Variants in S100PBP observed in about 807,000 individuals in gnomAD.
S100PBP encodes the protein S100P binding protein.
In S100PBP, 15 loss-of-function variants were observed where a neutral mutation model predicts 39.9. The ratio of observed to expected loss-of-function variants is 0.38; its 90% CI spans 0.25 to 0.58. The LOEUF (loss-of-function observed/expected upper bound fraction) is 0.58. S100PBP is among the 20% of genes least tolerant of loss of function. S100PBP has a pLI of 0.70. For missense variants in S100PBP, 504 were observed against 487.3 expected (o/e 1.03, Z -0.32); for synonymous variants, 178 against 180.3 (o/e 0.99, Z 0.10).
rs766765920 is a variant in S100PBP at position 32,826,324 on chromosome 1, A to AGATGATGGT, written c.227_235dup (p.Asp76_Gly78dup). The AGATGATGGT allele has an allele frequency of 2.5e-6, 4 of 1,614,144 alleles. No homozygotes were observed. In the Admixed American group the frequency reaches 6.7e-5, roughly 27 times the overall value. On this transcript the variant is annotated inframe_insertion, in exon 3 of 7. Coordinates refer to ENST00000373475, the MANE Select transcript of S100PBP (RefSeq NM_022753.4). Reference sequence around the variant, plus strand: ...CATCATATGAGCAGTCTTCTGGGGAAGATGATGGTGGGCATGTTGAGAAGG... The same window carrying AGATGATGGT: ...CATCATATGAGCAGTCTTCTGGGGAAGATGATGGTGATGATGGTGGGCATGTTGAGAAGG...
intron 5 of S100PBP, among the ~76,000 whole-genome samples, chr1:32,838,347 AAAAAAAGAAAAGAAAAG>A (rs1639934998): frequency 6.6e-6 from 1 of 151,330 alleles, no homozygotes; most frequent in Admixed American, 6.6e-5. Flanking sequence ...AAAAAAAAAA[AAAAAAAGAAAAGAAAAG>A]AAACTGCCAA....
chr1:32,837,549 A>T (rs549050705), intron 5 of S100PBP, among the ~76,000 whole-genome samples: 2 of 146,940 alleles, frequency 1.4e-5, no homozygotes, highest in South Asian at 4.4e-4. Context: ...TGGGCAACAA[A>T]AGCAAAACTC....
intron 5 of S100PBP, among the ~76,000 whole-genome samples, chr1:32,837,647 A>G (rs1027207776): frequency 1.3e-5 from 2 of 150,668 alleles, no homozygotes; most frequent in African/African-American, 4.9e-5. Context: ...CCTTCTGCCT[A>G]TCTCTGCCCC....
At chr1:32,834,282 G>C (rs1639725561) in intron 5 of S100PBP, among the ~76,000 whole-genome samples, 1 of 151,686 alleles carries the variant, frequency 6.6e-6, no homozygotes, top group Non-Finnish European at 1.5e-5. Context: ...AATTTCCTTA[G>C]TTGTCCCAAA....
At position 32,826,204 on chromosome 1, in the gene S100PBP, T is replaced by C. The variant is rs372527947; in HGVS notation, c.105T>C (p.Asp35=). 394 of 1,614,056 alleles carry C rather than the reference T, an allele frequency of 2.4e-4. No homozygotes were observed. The highest frequency in any genetic ancestry group is 3.2e-4 in the Non-Finnish European group (377 of 1,180,018). ...SWDSLDEDGL[D]DSLLELSEGE... ...ATTCCTTGGATGAGGATGGATTGGA[T>C]GACTCCTTGCTGGAGCTGTCAGAGG... The change falls in exon 3 of 7, where the codon GAT becomes GAC. Residue 35 remains aspartate, a synonymous_variant. Coordinates refer to ENST00000373475, the MANE Select transcript of S100PBP (RefSeq NM_022753.4).
intron 5 of S100PBP, among the ~76,000 whole-genome samples, chr1:32,840,318 T>C (rs1640026972): frequency 6.6e-6 from 1 of 151,648 alleles, no homozygotes; most frequent in South Asian, 2.1e-4. Context: ...AGACCGTGTT[T>C]TACCATGCCA....
chr1:32,842,885 C>G (rs955747027), intron 5 of S100PBP: 3 of 152,100 alleles, frequency 2.0e-5, no homozygotes, highest in African/African-American at 7.2e-5. Flanking sequence ...TGTGAGCCCC[C>G]GCGCCTGACT....
chr1:32,821,142 T>TA (rs753275237), intron 1 of S100PBP, among the ~76,000 whole-genome samples: 1 of 151,930 alleles, frequency 6.6e-6, no homozygotes, highest in Non-Finnish European at 1.5e-5. Flanking sequence ...ATTGTTTTCT[T>TA]AAGAAATAAA....
At chr1:32,820,306 C>T (rs935237408) in intron 1 of S100PBP, among the ~76,000 whole-genome samples, 3 of 152,006 alleles carry the variant, frequency 2.0e-5, no homozygotes, top group South Asian at 2.1e-4. Context: ...ACCACACACC[C>T]GGCTAATCTT....
intron 5 of S100PBP, among the ~76,000 whole-genome samples, chr1:32,837,952 ATGCACAAATCTT>A (rs1639906811): frequency 1.3e-5 from 2 of 152,196 alleles, no homozygotes; most frequent in Non-Finnish European, 2.9e-5. Context: ...AGGAACATTC[ATGCACAAATCTT>A]TGTATATATA....
At chr1:32,830,744 TTA>T (rs1307669041) in intron 5 of S100PBP, among the ~76,000 whole-genome samples, 1 of 152,146 alleles carries the variant, frequency 6.6e-6, no homozygotes, top group Non-Finnish European at 1.5e-5. Context: ...AAAGAATCAC[TTA>T]TTAAAAAGAT....
chr1:32,826,025 C>A, intron 2 of S100PBP, 73 bp from the exon 3 acceptor site: 2 of 1,008,392 alleles, frequency 2.0e-6, no homozygotes, highest in Non-Finnish European at 1.5e-6. Flanking sequence ...AGAACATTAC[C>A]CACATATAGT....
intron 3 of S100PBP, among the ~76,000 whole-genome samples, chr1:32,827,506 T>TA (rs969125635): frequency 1.3e-5 from 2 of 152,238 alleles, no homozygotes; most frequent in Non-Finnish European, 2.9e-5. Context: ...TTTCTTGAGA[T>TA]AGAGTCTTAC....
At chr1:32,845,772 C>T (rs994284078) in intron 5 of S100PBP, among the ~76,000 whole-genome samples, 1 of 151,636 alleles carries the variant, frequency 6.6e-6, no homozygotes, top group Non-Finnish European at 1.5e-5. Context: ...ATCAACCTCC[C>T]GGGCTCGTGA....
chr1:32,828,514 G>A (rs1639441133), intron 4 of S100PBP, among the ~76,000 whole-genome samples: 1 of 152,030 alleles, frequency 6.6e-6, no homozygotes, highest in African/African-American at 2.4e-5. Context: ...AATTCCAGTA[G>A]GGGTTGCAAA....
intron 5 of S100PBP, among the ~76,000 whole-genome samples, chr1:32,849,497 G>A (rs892645456): frequency 6.6e-6 from 1 of 152,156 alleles, no homozygotes; most frequent in Non-Finnish European, 1.5e-5. Flanking sequence ...TAAATTGTAG[G>A]ATACATGCAA....
intron 5 of S100PBP, among the ~76,000 whole-genome samples, chr1:32,842,198 AAAAAAC>A (rs1640130945): frequency 2.6e-5 from 3 of 116,622 alleles, no homozygotes; most frequent in African/African-American, 1.0e-4. Flanking sequence ...AAAAAAAAAA[AAAAAAC>A]ATATATATAT....
chr1:32,845,853 A>AT (rs1382893158), intron 5 of S100PBP, among the ~76,000 whole-genome samples: 2 of 149,114 alleles, frequency 1.3e-5, no homozygotes, highest in Admixed American at 6.7e-5. Context: ...AATTTTTTGT[A>AT]TTTTTTGTAG....
intron 6 of S100PBP, among the ~76,000 whole-genome samples, chr1:32,855,319 A>G (rs1252891236): frequency 6.6e-6 from 1 of 152,202 alleles, no homozygotes; most frequent in Non-Finnish European, 1.5e-5. Flanking sequence ...GCACTTTCAG[A>G]GTCAAAAATG....
Sources: allele counts gnomAD v4.1 joint callset (sites outside exome capture counted in the v4.1 genomes callset), GRCh38; gene constraint gnomAD v4.1.1; transcripts MANE v1.5; gene names NCBI Gene and HGNC (gene_info 2026-07-23, HGNC 2026-07-21).